The following CADPS2 variants were observed in gnomAD, a reference collection of about 807,000 sequenced individuals.
CADPS2 encodes the protein calcium dependent secretion activator 2.
In CADPS2, 93 loss-of-function variants were observed where a neutral mutation model predicts 172.5. That is an observed-to-expected ratio of 0.54 (90% confidence interval 0.46 to 0.64). The LOEUF is 0.64. CADPS2 is among the 30% of genes least tolerant of loss of function. CADPS2 has a pLI of 0.00. For missense variants in CADPS2, 1,420 were observed against 1,565.9 expected, an observed-to-expected ratio of 0.91 and a Z score of 1.57; for synonymous variants, 546 against 555.2, an observed-to-expected ratio of 0.98 and a Z score of 0.23.
At chr7:122,572,055 A>G (rs1285519363) in intron 7 of CADPS2, among the ~76,000 whole-genome samples, 1 of 152,174 alleles carries the variant, frequency 6.6e-6, no homozygotes, top group Non-Finnish European at 1.5e-5. Context: ...GAATGAAGAA[A>G]ACATTAGAGA....
chr7:122,628,983 T>C (rs1372547054), intron 4 of CADPS2, among the ~76,000 whole-genome samples: 1 of 151,690 alleles, frequency 6.6e-6, no homozygotes, highest in African/African-American at 2.4e-5. Context: ...GAGAAACTCA[T>C]GCATTGCTTT....
intron 3 of CADPS2, among the ~76,000 whole-genome samples, chr7:122,653,209 A>C (rs2135050844): frequency 6.6e-6 from 1 of 152,328 alleles, no homozygotes; most frequent in South Asian, 2.1e-4. Context: ...ACTCTTAAGC[A>C]AGCAACATCT....
At chr7:122,473,587 A>T (rs1028355708) in intron 13 of CADPS2, among the ~76,000 whole-genome samples, 1 of 152,214 alleles carries the variant, frequency 6.6e-6, no homozygotes, top group Non-Finnish European at 1.5e-5. Context: ...GTCAACCTGT[A>T]CTATGCTCAG....
chr7:122,358,861 C>T (rs1161320763), intron 27 of CADPS2, among the ~76,000 whole-genome samples: 2 of 152,100 alleles, frequency 1.3e-5, no homozygotes, highest in East Asian at 3.8e-4. Flanking sequence ...GTATGTTCTG[C>T]TCCAGGGGGC....
Position 122,321,850 on chromosome 7 carries a change from T to C in CADPS2, c.3718-1512A>G, listed in dbSNP as rs193046624. 2.3e-4 allele frequency among the ~76,000 whole-genome samples: 35 copies of C among 152,360 alleles called. 1 individual carries two copies. The South Asian group carries it at 6.8e-3, about 30-fold the overall frequency. On this transcript the variant is annotated intron_variant, in intron 29 of 29. Transcript: ENST00000449022. The stretch of plus-strand genomic sequence containing the variant: ...CAGCTAAACATGACTGGTATTTTAT[T>C]ACTACTGATTTTTAAAGTAGGAGAA...
intron 17 of CADPS2, among the ~76,000 whole-genome samples, chr7:122,437,907 T>C (rs2050848358): frequency 1.3e-5 from 2 of 152,060 alleles, no homozygotes; most frequent in Non-Finnish European, 2.9e-5. Flanking sequence ...TATGAGTTTA[T>C]TTCAGCCCTC....
intron 2 of CADPS2, among the ~76,000 whole-genome samples, chr7:122,705,979 A>AT (rs1275572684): frequency 4.2e-5 from 3 of 71,298 alleles, no homozygotes; most frequent in African/African-American, 1.8e-4. Context: ...AATATAATAT[A>AT]TAATATTATA....
intron 3 of CADPS2, among the ~76,000 whole-genome samples, chr7:122,655,937 A>G (rs2079715123): frequency 6.6e-6 from 1 of 152,146 alleles, no homozygotes; most frequent in African/African-American, 2.4e-5. Flanking sequence ...CCATCCTCAG[A>G]ATAAAAAGTT....
chr7:122,560,290 C>T (rs2065585013), intron 7 of CADPS2, among the ~76,000 whole-genome samples: 1 of 152,010 alleles, frequency 6.6e-6, no homozygotes, highest in African/African-American at 2.4e-5. Context: ...GAAGGTTAAG[C>T]TTATGGATAA....
intron 19 of CADPS2, chr7:122,409,634 G>C: frequency 2.1e-6 from 1 of 470,588 alleles, no homozygotes. Context: ...CCTAATGATG[G>C]CTAAATAACG....
chr7:122,797,225 A>T (rs1390449966), intron 1 of CADPS2, among the ~76,000 whole-genome samples: 3 of 152,186 alleles, frequency 2.0e-5, no homozygotes, highest in Non-Finnish European at 4.4e-5. Context: ...TTGCAGAAAA[A>T]GGAATGCTTA....
intron 1 of CADPS2, among the ~76,000 whole-genome samples, chr7:122,815,486 G>A (rs1801093356): frequency 2.0e-5 from 3 of 151,864 alleles, no homozygotes; most frequent in Admixed American, 2.0e-4. Flanking sequence ...CCCTCATTTA[G>A]AAGTCAATGA....
rs544103643 is a variant in CADPS2 at position 122,804,118 on chromosome 7, G to C, written c.340-67050C>G. Reference sequence around the variant, plus strand: ...CTTATCTCTGGTTCCTGACTGACCTGCACTCTAGTTTGTTCAGAAAAGTCT... The same window carrying C: ...CTTATCTCTGGTTCCTGACTGACCTCCACTCTAGTTTGTTCAGAAAAGTCT... On this transcript the variant is annotated intron_variant, in intron 1 of 29. Transcript: ENST00000449022. Among the ~76,000 whole-genome samples, 39 of 152,228 alleles carry C rather than the reference G, an allele frequency of 2.6e-4. 1 individual carries two copies. The South Asian group carries it at 3.3e-3, about 13-fold the overall frequency.
At chr7:122,707,069 GA>G (rs1158858939) in intron 2 of CADPS2, among the ~76,000 whole-genome samples, 1 of 151,776 alleles carries the variant, frequency 6.6e-6, no homozygotes, top group Non-Finnish European at 1.5e-5. Context: ...GGAAAGACAT[GA>G]ACCAGAAGGT....
At chr7:122,704,893 C>T (rs2136370301) in intron 2 of CADPS2, among the ~76,000 whole-genome samples, 1 of 152,052 alleles carries the variant, frequency 6.6e-6, no homozygotes. Flanking sequence ...AGCGTTGCCA[C>T]TAAAACATCT....
intron 2 of CADPS2, among the ~76,000 whole-genome samples, chr7:122,664,692 A>C (rs920418365): frequency 6.6e-6 from 1 of 152,240 alleles, no homozygotes; most frequent in Non-Finnish European, 1.5e-5. Context: ...ATGATGTCAA[A>C]AGACTCTCCC....
intron 9 of CADPS2, among the ~76,000 whole-genome samples, chr7:122,506,476 T>C (rs1442346529): frequency 6.6e-6 from 1 of 152,168 alleles, no homozygotes; most frequent in East Asian, 1.9e-4. Context: ...GCATCTGGTA[T>C]ACGAAACCTC....
In CADPS2 at chr7:122,702,108, G is replaced by A. The variant is rs542225926; in HGVS notation, c.453+34847C>T. Reference sequence around the variant, plus strand: ...CTGGTGAAAGAATTGGGCACTCTAGGTGTAAGTCTCCAGACGCAATCTAAG... The same window carrying A: ...CTGGTGAAAGAATTGGGCACTCTAGATGTAAGTCTCCAGACGCAATCTAAG... On this transcript the variant is annotated intron_variant, in intron 2 of 29. Coordinates refer to ENST00000449022, the MANE Select transcript of CADPS2 (RefSeq NM_017954.11). The A allele has an allele frequency of 5.0e-5, 80 of 1,613,632 alleles. 1 individual carries two copies. The East Asian group carries it at 1.6e-3, about 32-fold the overall frequency.
intron 1 of CADPS2, among the ~76,000 whole-genome samples, chr7:122,776,789 T>C (rs2093896331): frequency 6.6e-6 from 1 of 152,092 alleles, no homozygotes; most frequent in Non-Finnish European, 1.5e-5. Context: ...ATAGTTGGAA[T>C]TTGGAGTAAA....
Sources: allele counts gnomAD v4.1 joint callset (sites outside exome capture counted in the v4.1 genomes callset), GRCh38; gene constraint gnomAD v4.1.1; transcripts MANE v1.5; gene names NCBI Gene and HGNC (gene_info 2026-07-23, HGNC 2026-07-21).